Variants in MLLT3 observed in about 807,000 individuals in gnomAD.
The protein encoded by MLLT3 is protein AF-9.
A neutral mutation model predicts 53.2 loss-of-function variants in MLLT3; 4 were observed. The observed-to-expected ratio is 0.08, with a 90% confidence interval of 0.04 to 0.17. MLLT3 has a LOEUF of 0.17. Among genes scored for constraint, MLLT3 ranks in the 10% least tolerant of loss-of-function variants. The pLI, the probability that MLLT3 is intolerant of heterozygous loss-of-function variation, is 1.00. For missense variants in MLLT3, 569 were observed against 684.0 expected, an observed-to-expected ratio of 0.83 and a Z score of 1.87; for synonymous variants, 283 against 230.6, an observed-to-expected ratio of 1.23 and a Z score of -2.06.
chr9:20,446,966 A>C (rs1823721542), intron 4 of MLLT3, among the ~76,000 whole-genome samples: 2 of 152,186 alleles, frequency 1.3e-5, no homozygotes, highest in South Asian at 4.1e-4. Context: ...ATAAGGAATG[A>C]AATATGGTAA....
At chr9:20,576,229 G>A (rs1010972139) in intron 2 of MLLT3, among the ~76,000 whole-genome samples, 7 of 152,178 alleles carry the variant, frequency 4.6e-5, no homozygotes, top group Non-Finnish European at 8.8e-5. Context: ...CTCTGGATTA[G>A]GCTTTGGCTT....
At chr9:20,351,817 C>A (rs1821036280) in intron 10 of MLLT3, among the ~76,000 whole-genome samples, 1 of 152,146 alleles carries the variant, frequency 6.6e-6, no homozygotes, top group South Asian at 2.1e-4. Context: ...CTCAATAGTG[C>A]TATGTTTTAC....
At chr9:20,423,174 A>G (rs1349808472) in intron 4 of MLLT3, among the ~76,000 whole-genome samples, 2 of 152,050 alleles carry the variant, frequency 1.3e-5, no homozygotes, top group African/African-American at 4.8e-5. Flanking sequence ...TGTGGGACTA[A>G]GGGCATGCAC....
chr9:20,526,611 T>A (rs139122100), intron 2 of MLLT3, among the ~76,000 whole-genome samples: 2 of 152,212 alleles, frequency 1.3e-5, no homozygotes, highest in African/African-American at 2.4e-5. Context: ...TAAGCTATTA[T>A]AAGTAGTACT....
At chr9:20,603,261 G>A (rs997943581) in intron 2 of MLLT3, among the ~76,000 whole-genome samples, 1 of 151,990 alleles carries the variant, frequency 6.6e-6, no homozygotes, top group Non-Finnish European at 1.5e-5. Flanking sequence ...ACTCTTATAA[G>A]TATATAGGTT....
At chr9:20,406,828 C>T (rs1023679799) in intron 5 of MLLT3, among the ~76,000 whole-genome samples, 5 of 152,166 alleles carry the variant, frequency 3.3e-5, no homozygotes, top group Non-Finnish European at 4.4e-5. Context: ...TTAGTAAATG[C>T]TTCTCCATAT....
chr9:20,545,645 T>C (rs558676675), intron 2 of MLLT3, among the ~76,000 whole-genome samples: 2 of 152,282 alleles, frequency 1.3e-5, no homozygotes, highest in East Asian at 3.9e-4. Context: ...AACAACCTTG[T>C]ATTTTAGTCA....
chr9:20,401,608 G>A (rs1360276494), intron 5 of MLLT3, among the ~76,000 whole-genome samples: 1 of 152,138 alleles, frequency 6.6e-6, no homozygotes, highest in Non-Finnish European at 1.5e-5. Flanking sequence ...TCACTTCCAA[G>A]TTCCAGTTCC....
intron 2 of MLLT3, among the ~76,000 whole-genome samples, chr9:20,522,235 C>A: frequency 6.7e-6 from 1 of 148,324 alleles, no homozygotes; most frequent in Non-Finnish European, 1.5e-5. Flanking sequence ...AGGTAGTTTC[C>A]ATTCCAAATA....
At chr9:20,517,089 C>T (rs552420414) in intron 2 of MLLT3, among the ~76,000 whole-genome samples, 1 of 152,170 alleles carries the variant, frequency 6.6e-6, no homozygotes, top group East Asian at 1.9e-4. Context: ...TGTCCAGGTG[C>T]TAGTATAGGT....
chr9:20,562,772 T>A (rs1244325678), intron 2 of MLLT3, among the ~76,000 whole-genome samples: 1 of 152,204 alleles, frequency 6.6e-6, no homozygotes, highest in Non-Finnish European at 1.5e-5. Context: ...GCCCTGCCTA[T>A]CTTTCTGCCT....
intron 7 of MLLT3, chr9:20,362,590 C>A (rs1821351369): frequency 6.6e-6 from 1 of 151,558 alleles, no homozygotes; most frequent in Non-Finnish European, 1.5e-5. Context: ...TGAATATGAC[C>A]ATAAAAAACA....
rs531050641 is a variant in MLLT3, at chr9:20,470,068, C to A, written c.194-13282G>T. On this transcript the variant is annotated intron_variant, in intron 2 of 10. Coordinates refer to ENST00000380338, the MANE Select transcript of MLLT3 (RefSeq NM_004529.4). ...AGAAATTTTATGAAGAAAAAAACAG[C>A]AATTTGTTTCCCAAGTATTATTTTT... is the stretch of plus-strand genomic sequence containing the variant. Among the ~76,000 whole-genome samples the A allele has an allele frequency of 7.8e-4, 119 of 151,972 alleles. No homozygotes were observed. The South Asian group carries it at 0.024, about 30-fold the overall frequency.
At chr9:20,481,407 G>A (rs961637683) in intron 2 of MLLT3, among the ~76,000 whole-genome samples, 1 of 152,122 alleles carries the variant, frequency 6.6e-6, no homozygotes, top group Non-Finnish European at 1.5e-5. Context: ...TAAAGGGATG[G>A]CCTCAAGTTC....
intron 2 of MLLT3, among the ~76,000 whole-genome samples, chr9:20,548,251 T>A (rs1818840671): frequency 6.6e-6 from 1 of 152,254 alleles, no homozygotes; most frequent in Non-Finnish European, 1.5e-5. Flanking sequence ...TTGGACAGCA[T>A]ATGTCTAACA....
chr9:20,509,791 A>G (rs1165228185), intron 2 of MLLT3, among the ~76,000 whole-genome samples: 1 of 152,142 alleles, frequency 6.6e-6, no homozygotes, highest in Non-Finnish European at 1.5e-5. Flanking sequence ...TTTGTTTTAT[A>G]TCCTGCCAAA....
intron 2 of MLLT3, among the ~76,000 whole-genome samples, chr9:20,494,888 G>A (rs1031206001): frequency 6.6e-6 from 1 of 152,102 alleles, no homozygotes; most frequent in Non-Finnish European, 1.5e-5. Context: ...TCTTCCCAAG[G>A]GAAAGGAGTA....
Position 20,622,413 on chromosome 9 carries a change from C to A in MLLT3, c.-157G>T, listed in dbSNP as rs1380192001. 3.1e-6 allele frequency: 2 copies of A among 655,602 alleles called. No individual in the cohort carries two copies. Among genetic ancestry groups the A allele is most frequent in the Non-Finnish European group, 5.1e-6 (2 of 394,768 alleles). The allele number at this position is 655,602 out of a possible 1,614,324, so 40.6% of individuals were successfully genotyped here. ...TTCTCTGCCTTTTTCCCCCCGCGCT[C>A]GCTTGCTCGCTCGCTCGCTTATTAA... On this transcript the variant is annotated 5_prime_UTR_variant, in exon 1 of 11. Transcript: ENST00000380338.
At chr9:20,613,037 A>G (rs1820738651) in intron 2 of MLLT3, among the ~76,000 whole-genome samples, 1 of 152,244 alleles carries the variant, frequency 6.6e-6, no homozygotes, top group East Asian at 1.9e-4. Flanking sequence ...ATAGGAAAAC[A>G]GAAAAGTAAA....
Sources: allele counts gnomAD v4.1 joint callset (sites outside exome capture counted in the v4.1 genomes callset), GRCh38; gene constraint gnomAD v4.1.1; transcripts MANE v1.5; gene names NCBI Gene and HGNC (gene_info 2026-07-23, HGNC 2026-07-21).